Variants in PCLO observed in about 807,000 individuals in gnomAD.
The protein encoded by PCLO is protein piccolo.
PCLO carries 82 observed loss-of-function variants against 427.5 expected under a neutral mutation model. That is an observed-to-expected ratio of 0.19 (90% confidence interval 0.16 to 0.23). The LOEUF (loss-of-function observed/expected upper bound fraction) is 0.23. Among genes scored for constraint, PCLO ranks in the 10% least tolerant of loss-of-function variants. The pLI is 1.00. For missense variants in PCLO, 6,239 were observed against 6,115.9 expected, an observed-to-expected ratio of 1.02 and a Z score of -0.67; for synonymous variants, 2,357 against 2,155.4, an observed-to-expected ratio of 1.09 and a Z score of -2.59.
intron 3 of PCLO, among the ~76,000 whole-genome samples, chr7:82,981,286 T>C (rs1796141431): frequency 6.6e-6 from 1 of 150,488 alleles, no homozygotes; most frequent in Admixed American, 6.7e-5. Context: ...AGAGGGTACT[T>C]AGGCCAGAGT....
chr7:82,925,907 C>T (rs539253957), intron 6 of PCLO, among the ~76,000 whole-genome samples: 1 of 151,110 alleles, frequency 6.6e-6, no homozygotes, highest in Non-Finnish European at 1.5e-5. Context: ...TTTGTAGAGA[C>T]GGGGTCCCAC....
intron 10 of PCLO, among the ~76,000 whole-genome samples, chr7:82,862,153 TCAA>T (rs1442429736): frequency 2.0e-5 from 3 of 151,726 alleles, no homozygotes. Context: ...ATACAAAAGC[TCAA>T]CAAAACCAAA....
intron 3 of PCLO, among the ~76,000 whole-genome samples, chr7:82,991,890 C>T (rs552476534): frequency 1.3e-5 from 2 of 152,170 alleles, no homozygotes; most frequent in Non-Finnish European, 2.9e-5. Flanking sequence ...CCTATAGGTA[C>T]TTTAAACTAT....
chr7:83,089,154 T>C (rs547860759), intron 3 of PCLO, among the ~76,000 whole-genome samples: 3 of 152,160 alleles, frequency 2.0e-5, no homozygotes, highest in Non-Finnish European at 2.9e-5. Context: ...CATACATACA[T>C]ACATACACAC....
intron 3 of PCLO, among the ~76,000 whole-genome samples, chr7:83,034,282 A>G (rs1442847115): frequency 6.6e-6 from 1 of 152,110 alleles, no homozygotes; most frequent in African/African-American, 2.4e-5. Flanking sequence ...TCTGCCTCCC[A>G]GGTTCAAGAA....
At chr7:82,880,249 T>C (rs973445431) in intron 9 of PCLO, among the ~76,000 whole-genome samples, 44 of 152,178 alleles carry the variant, frequency 2.9e-4, no homozygotes, top group African/African-American at 1.0e-3. Flanking sequence ...TGTACTGTAA[T>C]CTTATGGGAC....
At chr7:83,074,611 G>A (rs1789905087) in intron 3 of PCLO, among the ~76,000 whole-genome samples, 1 of 152,074 alleles carries the variant, frequency 6.6e-6, no homozygotes, top group African/African-American at 2.4e-5. Context: ...AATGATTGAT[G>A]AATTTCTTTT....
intron 10 of PCLO, among the ~76,000 whole-genome samples, chr7:82,848,088 T>G (rs1231203262): frequency 1.3e-5 from 2 of 152,000 alleles, no homozygotes; most frequent in Admixed American, 1.3e-4. Context: ...ATTTCAATAT[T>G]TTACATCTAG....
At chr7:83,144,933 G>C (rs537348192) in intron 2 of PCLO, among the ~76,000 whole-genome samples, 4 of 152,112 alleles carry the variant, frequency 2.6e-5, no homozygotes, top group Non-Finnish European at 5.9e-5. Context: ...TGCTTACTTT[G>C]CTGAACAAAG....
chr7:82,784,061 G>C (rs1273070793), intron 22 of PCLO, among the ~76,000 whole-genome samples: 2 of 152,012 alleles, frequency 1.3e-5, no homozygotes, highest in Non-Finnish European at 2.9e-5. Context: ...CTGAATAATT[G>C]CAACAAATAT....
chr7:83,072,532 A>G (rs1282336878), intron 3 of PCLO, among the ~76,000 whole-genome samples: 1 of 152,022 alleles, frequency 6.6e-6, no homozygotes, highest in African/African-American at 2.4e-5. Flanking sequence ...GAAATTGGGG[A>G]AAAATGAATT....
intron 10 of PCLO, among the ~76,000 whole-genome samples, chr7:82,872,636 A>G (rs1347753149): frequency 6.6e-6 from 1 of 152,162 alleles, no homozygotes; most frequent in South Asian, 2.1e-4. Flanking sequence ...GTATTGTAGA[A>G]TAAACTCCTA....
intron 3 of PCLO, among the ~76,000 whole-genome samples, chr7:83,126,806 T>C (rs6948397): frequency 0.5 from 75,162 of 151,832 alleles, 19,580 homozygotes; most frequent in East Asian, 0.69. Context: ...ACTTATATGA[T>C]GTTTACCCTC....
intron 6 of PCLO, among the ~76,000 whole-genome samples, chr7:82,938,552 GCT>G (rs1252067448): frequency 1.3e-5 from 2 of 151,816 alleles, no homozygotes; most frequent in Non-Finnish European, 2.9e-5. Flanking sequence ...TTGCCTATAT[GCT>G]CTTAGCTAGG....
At chr7:82,793,115 A>C (rs1223452104) in intron 22 of PCLO, among the ~76,000 whole-genome samples, 2 of 151,964 alleles carry the variant, frequency 1.3e-5, no homozygotes, top group African/African-American at 4.8e-5. Context: ...CAGACACATC[A>C]TGAATTTTGT....
At position 83,032,448 on chromosome 7, in the gene PCLO, G is replaced by GCCTCCCTTC. The variant is rs879932581; in HGVS notation, c.3301-65970_3301-65962dup. ...TTCCCTTCCTTCCCTTCCCTCCCTT[G>GCCTCCCTTC]CCTCCCTTCCCTCCCTTCCCTCCCT... On this transcript the variant is annotated intron_variant, in intron 3 of 24. Coordinates refer to ENST00000333891, the MANE Select transcript of PCLO (RefSeq NM_033026.6). Among the ~76,000 whole-genome samples the GCCTCCCTTC allele has an allele frequency of 3.2e-3, 282 of 87,488 alleles. 1 individual carries two copies. The highest frequency in any genetic ancestry group is 0.012 in the African/African-American group (258 of 21,258). 57.4% of individuals were successfully genotyped at this position (87,488 alleles called of 152,430 possible).
At chr7:82,775,264 T>C (rs1283334606) in intron 22 of PCLO, among the ~76,000 whole-genome samples, 1 of 152,182 alleles carries the variant, frequency 6.6e-6, no homozygotes, top group African/African-American at 2.4e-5. Context: ...AATAGCATGA[T>C]TGTGGAATCA....
At chr7:83,069,065 G>C (rs2116344754) in intron 3 of PCLO, among the ~76,000 whole-genome samples, 1 of 152,280 alleles carries the variant, frequency 6.6e-6, no homozygotes, top group East Asian at 1.9e-4. Flanking sequence ...GGGGGTGTGG[G>C]AAATGGGGAG....
intron 3 of PCLO, among the ~76,000 whole-genome samples, chr7:83,065,642 T>C (rs1326444850): frequency 6.6e-6 from 1 of 152,016 alleles, no homozygotes; most frequent in African/African-American, 2.4e-5. Context: ...TTATTTTAGA[T>C]AAATATGCAG....
Sources: gnomAD v4.1 joint callset for allele counts (sites outside exome capture counted in the v4.1 genomes callset) on GRCh38, gnomAD v4.1.1 for gene constraint, MANE v1.5 for transcripts, NCBI Gene and HGNC (gene_info 2026-07-23, HGNC 2026-07-21) for gene names.